Variants in NR2C2AP observed in about 807,000 individuals in gnomAD.
NR2C2AP encodes nuclear receptor 2C2 associated protein, also known as nuclear receptor 2C2-associated protein.
In NR2C2AP, 13 loss-of-function variants were observed where a neutral mutation model predicts 19.1. The observed-to-expected ratio is 0.68, with a 90% CI of 0.44 to 1.08. The LOEUF (loss-of-function observed/expected upper bound fraction) is 1.08, where lower values mean the gene tolerates loss of function less well. Among genes scored for constraint, NR2C2AP ranks in the 50% least tolerant of loss-of-function variants. The pLI, the probability that NR2C2AP is intolerant of heterozygous loss-of-function variation, is 0.00. For synonymous variants in NR2C2AP, 81 were observed against 64.4 expected (o/e 1.26, Z -1.23); for missense variants, 181 against 172.7 (o/e 1.05, Z -0.27).
In NR2C2AP at chr19:19,202,365, A is replaced by G; in HGVS notation, c.269T>C (p.Val90Ala). 6.2e-7 allele frequency: 1 copy of G among 1,614,188 alleles called. No individual in the cohort carries two copies. The highest frequency in any genetic ancestry group is 8.5e-7 in the Non-Finnish European group (1 of 1,180,036). Residue 90 changes from valine to alanine, a missense_variant, in exon 4 of 5, where the codon GTA (valine) becomes GCA (alanine). Coordinates refer to ENST00000331552, the MANE Select transcript of NR2C2AP (RefSeq NM_176880.6). The part of the protein sequence containing the change: ...SQGTQALHKI[V>A]DFYPEDNNSL... Reference sequence around the variant, plus strand: ...GTTGTTGTCCTCAGGGTAGAAATCTACAATCTTGTGGAGAGCCTGAGTGCC... The same window carrying G: ...GTTGTTGTCCTCAGGGTAGAAATCTGCAATCTTGTGGAGAGCCTGAGTGCC...
intron 4 of NR2C2AP, 103 bp downstream of exon 4, chr19:19,202,228 G>T: frequency 8.0e-7 from 1 of 1,256,076 alleles, no homozygotes; most frequent in Non-Finnish European, 1.2e-6. Flanking sequence ...AGTCCTAGAG[G>T]TCACGTGTTC....
Position 19,202,504 on chromosome 19 carries a change from C to A in NR2C2AP, c.201G>T (p.Gln67His), listed in dbSNP as rs1568587294. The A allele has an allele frequency of 1.2e-6, 2 of 1,614,080 alleles. No homozygotes were observed. Among genetic ancestry groups the A allele is most frequent in the Middle Eastern group, 1.6e-4 (1 of 6,062 alleles). ...IRVSQLQIQF[Q>H]GGFSSRRGCL... Reference sequence around the variant, plus strand: ...AGCCCCGGCGACTGGAGAAGCCACCCTGAAACTGGATCTGCAGCTGGGAGA... The same window carrying A: ...AGCCCCGGCGACTGGAGAAGCCACCATGAAACTGGATCTGCAGCTGGGAGA... Residue 67 changes from glutamine (Q) to histidine (H), a missense_variant, in exon 3 of 5, where the codon CAG (glutamine) becomes CAT (histidine). Gln to His is a conservative substitution (Grantham distance 24). Coordinates refer to ENST00000331552, the MANE Select transcript of NR2C2AP (RefSeq NM_176880.6).
In NR2C2AP at chr19:19,202,167, G is replaced by A. The variant is rs1201985236; in HGVS notation, c.304-126C>T. ...CTGGGGAAGCTGCAGGTCCCTCTAA[G>A]CCTCTCACACAGAACAGGTGGTCAT... is the stretch of plus-strand genomic sequence containing the variant. On this transcript the variant is annotated intron_variant, in intron 4 of 4. Transcript: ENST00000331552. 4.2e-6 allele frequency: 5 copies of A among 1,202,710 alleles called. No individual in the cohort carries two copies. The East Asian group carries it at 9.3e-5, about 22-fold the overall frequency. The allele number at this position is 1,202,710 out of a possible 1,614,324, so 74.5% of individuals were successfully genotyped here.
rs2060735697 is a variant in NR2C2AP at position 19,202,518 on chromosome 19, G to A, written c.187C>T (p.Gln63Ter). 1 of 1,613,786 alleles carries A rather than the reference G, an allele frequency of 6.2e-7. No homozygotes were observed. Among genetic ancestry groups the A allele is most frequent in the Admixed American group, 1.7e-5 (1 of 59,996 alleles). ...FPQLIRVSQLQIQFQGGFSSR... is the reference protein window; with the variant it reads ...FPQLIRVSQL ...GAGAAGCCACCCTGAAACTGGATCT[G>A]CAGCTGGGAGACACGGATGAGCTGG... is the stretch of plus-strand genomic sequence containing the variant. Residue 63 changes from glutamine to a stop codon, truncating the protein, a stop_gained, in exon 3 of 5, where the codon CAG becomes TAG. Coordinates refer to ENST00000331552, the MANE Select transcript of NR2C2AP (RefSeq NM_176880.6). LOFTEE classifies it high-confidence loss of function.
At position 19,203,169 on chromosome 19, in the gene NR2C2AP, G is replaced by C; in HGVS notation, c.-109C>G. The C allele has an allele frequency of 9.0e-7, 1 of 1,116,594 alleles. No individual in the cohort carries two copies. Among genetic ancestry groups the C allele is most frequent in the Admixed American group, 1.9e-5 (1 of 51,336 alleles). The allele number at this position is 1,116,594 out of a possible 1,614,324, so 69.2% of individuals were successfully genotyped here. On this transcript the variant is annotated 5_prime_UTR_variant, in exon 1 of 5. Coordinates refer to ENST00000331552, the MANE Select transcript of NR2C2AP (RefSeq NM_176880.6). ...CGCGATCTTGGCTACGCCTTGGCCT[G>C]AACGTCCTCACCTGTAACTTGGGAC...
chr19:19,201,563 C>T lies in NR2C2AP; in HGVS notation c.*362G>A. The T allele has an allele frequency of 1.2e-6, 2 of 1,609,078 alleles. No homozygotes were observed. Among genetic ancestry groups the T allele is most frequent in the South Asian group, 1.1e-5 (1 of 91,088 alleles). ...TCTCTGCAAGGGTCCCTGTTTGTCC[C>T]CTAAGGGGAGAGCGCAGGTTGGCCT... On this transcript the variant is annotated 3_prime_UTR_variant, in exon 5 of 5. Coordinates refer to ENST00000331552, the MANE Select transcript of NR2C2AP (RefSeq NM_176880.6).
At position 19,202,555 on chromosome 19, in the gene NR2C2AP, C is replaced by A. The variant is rs750490909; in HGVS notation, c.150G>T (p.Thr50=). ...CACGGATGAGCTGGGGAAACTCCAG[C>A]GTCACCCACTGGGAGGGGCCCTGGA... ...NSDQGPSQWV[T]LEFPQLIRVS... Residue 50 remains threonine, a synonymous_variant, in exon 3 of 5, where the codon ACG becomes ACT. Coordinates refer to ENST00000331552, the MANE Select transcript of NR2C2AP (RefSeq NM_176880.6). 4 of 1,613,088 alleles carry A rather than the reference C, an allele frequency of 2.5e-6. No homozygotes were observed. In the African/African-American group the frequency reaches 5.3e-5, roughly 22 times the overall value.
At position 19,202,802 on chromosome 19, in the gene NR2C2AP, T is replaced by G; in HGVS notation, c.118A>C (p.Asn40His). ...GGGAGGCGCCTCACCTGGTCTGAGT[T>G]CCAACATGTCTCCTCATCCTGGTCG... Reference protein sequence around the residue: ...LFDQDEETCWNSDQGPSQWVT... With the variant: ...LFDQDEETCWHSDQGPSQWVT... Residue 40 changes from asparagine to histidine, a missense_variant, in exon 2 of 5, where the codon AAC (asparagine) becomes CAC (histidine). Physicochemically the swap from Asn to His is moderately conservative, Grantham distance 68. Coordinates refer to ENST00000331552, the MANE Select transcript of NR2C2AP (RefSeq NM_176880.6). The G allele has an allele frequency of 6.2e-7, 1 of 1,613,764 alleles. No individual in the cohort carries two copies. The highest frequency in any genetic ancestry group is 1.3e-5 in the African/African-American group (1 of 75,024).
In NR2C2AP at chr19:19,201,473, C is replaced by T. The variant is rs1349140946; in HGVS notation, c.*452G>A. 5.7e-6 allele frequency: 9 copies of T among 1,575,610 alleles called. No individual in the cohort carries two copies. In the South Asian group the frequency reaches 7.9e-5, roughly 14 times the overall value. ...AGCTACAAAAGTGCATTTTTACAAA[C>T]TTAGGGGAAGTTGAGGTTCCTGGGG... On this transcript the variant is annotated 3_prime_UTR_variant, in exon 5 of 5. Transcript: ENST00000331552.
Position 19,202,333 on chromosome 19 carries a change from GA to G in NR2C2AP, c.300del (p.Gln101ArgfsTer13). The G allele has an allele frequency of 6.2e-7, 1 of 1,614,156 alleles. No individual in the cohort carries two copies. The highest frequency in any genetic ancestry group is 8.5e-7 in the Non-Finnish European group (1 of 1,179,956). On this transcript the variant is annotated frameshift_variant, in exon 4 of 5. Coordinates refer to ENST00000331552, the MANE Select transcript of NR2C2AP (RefSeq NM_176880.6). LOFTEE classifies it high-confidence loss of function. ...CCCCAGAAGCAGGGGCAGGATATCT[GA>G]AGCGAGTTGTTGTCCTCAGGGTAGA... The part of the protein sequence containing the change: ...VDFYPEDNNS[L>X]QTFPIPAAEV...
At position 19,202,846 on chromosome 19, in the gene NR2C2AP, A is replaced by C; in HGVS notation, c.74T>G (p.Phe25Cys). Residue 25 changes from phenylalanine to cysteine, a missense_variant, in exon 2 of 5, where the codon TTT becomes TGT. Phe to Cys is a radical substitution (Grantham distance 205). Coordinates refer to ENST00000331552, the MANE Select transcript of NR2C2AP (RefSeq NM_176880.6). Reference sequence around the variant, plus strand: ...CTGGTCGAAAAGATGTTTTTTTCCAAACTGCCGAGTGTTGCGATTCAGCAC... The same window carrying C: ...CTGGTCGAAAAGATGTTTTTTTCCACACTGCCGAGTGTTGCGATTCAGCAC... ...SSVLNRNTRQ[F>C]GKKHLFDQDE... 2 of 1,613,780 alleles carry C rather than the reference A, an allele frequency of 1.2e-6. No homozygotes were observed. Among genetic ancestry groups the C allele is most frequent in the Non-Finnish European group, 1.7e-6 (2 of 1,179,992 alleles).
At chr19:19,202,162 T>C (rs1237257734) in intron 4 of NR2C2AP, 121 bp from the exon 5 acceptor site, 2 of 1,201,510 alleles carry the variant, frequency 1.7e-6, no homozygotes, top group Non-Finnish European at 2.4e-6. Context: ...TGCAGGTCCC[T>C]CTAAGCCTCT....
intron 4 of NR2C2AP, 144 bp from the exon 5 acceptor site, chr19:19,202,185 G>A (rs1290286251): frequency 8.7e-7 from 1 of 1,143,044 alleles, no homozygotes; most frequent in Non-Finnish European, 1.3e-6. Flanking sequence ...CACAGAACAG[G>A]TGGTCATCAG....
Position 19,203,101 on chromosome 19 carries a change from A to G in NR2C2AP, c.-41T>C, listed in dbSNP as rs867186053. The G allele has an allele frequency of 2.5e-6, 4 of 1,611,956 alleles. No individual in the cohort carries two copies. The Middle Eastern group carries it at 6.6e-4, about 267-fold the overall frequency. On this transcript the variant is annotated 5_prime_UTR_variant, in exon 1 of 5. Coordinates refer to ENST00000331552, the MANE Select transcript of NR2C2AP (RefSeq NM_176880.6). ...CCTCGCAGGGCTTAGGATTGGGCAC[A>G]GCCTTGGTTCGAATCCCGGCGCCTC...
chr19:19,202,431 T>TGAC, intron 3 of NR2C2AP, 33 bp from the exon 4 acceptor site: 1 of 1,613,744 alleles, frequency 6.2e-7, no homozygotes, highest in South Asian at 1.1e-5. Context: ...GTGTCTGGGG[T>TGAC]GACCCCTGGA....
rs2060742144 is a variant in NR2C2AP, at chr19:19,203,047, A to T, written c.14T>A (p.Leu5Ter). MTHS[L>*]VCPETVSRVS... ...CCTGCTCACTGTCTCTGGACAAACC[A>T]AAGAGTGGGTCATGTCGGTTCCACA... Residue 5 changes from leucine to a stop codon, truncating the protein, a stop_gained, in exon 1 of 5, where the codon TTG becomes TAG. Transcript: ENST00000331552. LOFTEE classifies it high-confidence loss of function. 2 of 1,613,890 alleles carry T rather than the reference A, an allele frequency of 1.2e-6. No homozygotes were observed. Among genetic ancestry groups the T allele is most frequent in the Non-Finnish European group, 1.7e-6 (2 of 1,179,954 alleles).
At position 19,202,857 on chromosome 19, in the gene NR2C2AP, G is replaced by A; in HGVS notation, c.63C>T (p.Asn21=). The part of the protein sequence containing the change: ...VSRVSSVLNR[N]TRQFGKKHLF... ...GATGTTTTTTTCCAAACTGCCGAGTGTTGCGATTCAGCACTGAACTCACCC... is the reference window on the plus strand; with the variant it reads ...GATGTTTTTTTCCAAACTGCCGAGTATTGCGATTCAGCACTGAACTCACCC... The change falls in exon 2 of 5, where the codon AAC becomes AAT. Residue 21 remains asparagine (N), a synonymous_variant. Transcript: ENST00000331552. The A allele has an allele frequency of 6.2e-7, 1 of 1,613,704 alleles. No homozygotes were observed. The highest frequency in any genetic ancestry group is 8.5e-7 in the Non-Finnish European group (1 of 1,180,010).
rs778694926 is a variant in NR2C2AP, at chr19:19,201,913, C to A, written c.*12G>T. 1.9e-6 allele frequency: 3 copies of A among 1,614,034 alleles called. No individual in the cohort carries two copies. In the South Asian group the frequency reaches 3.3e-5, roughly 18 times the overall value. On this transcript the variant is annotated 3_prime_UTR_variant, in exon 5 of 5. Transcript: ENST00000331552. ...CCGGAGGGCTTCCTGGAGGAGACAG[C>A]CCCTAGAGGTCTCACACCTTCTCCC...
chr19:19,203,357 T>G lies in NR2C2AP; in HGVS notation c.-297A>C. 1.9e-6 allele frequency: 1 copy of G among 514,500 alleles called. No homozygotes were observed. Among genetic ancestry groups the G allele is most frequent in the Non-Finnish European group, 3.5e-6 (1 of 282,682 alleles). The allele number at this position is 514,500 out of a possible 1,614,324, so 31.9% of individuals were successfully genotyped here. ...GGGTTTCGGGGGCGGTGGCTTTTTG[T>G]GCGAGGCTGTTTCTCTGCGAATAGC... On this transcript the variant is annotated 5_prime_UTR_variant, in exon 1 of 5. Coordinates refer to ENST00000331552, the MANE Select transcript of NR2C2AP (RefSeq NM_176880.6).
Sources: gnomAD v4.1 joint callset for allele counts on GRCh38, gnomAD v4.1.1 for gene constraint, MANE v1.5 for transcripts, NCBI Gene and HGNC (gene_info 2026-07-23, HGNC 2026-07-21) for gene names.